Variants in ADAMTS7 observed in about 807,000 individuals in gnomAD.
ADAMTS7 encodes the protein A disintegrin and metalloproteinase with thrombospondin motifs 7.
A neutral mutation model predicts 172.6 loss-of-function variants in ADAMTS7; 89 were observed. The ratio of observed to expected loss-of-function variants is 0.52; its 90% CI spans 0.43 to 0.61. ADAMTS7 has a LOEUF of 0.61. ADAMTS7 is among the 20% of genes least tolerant of loss of function. The pLI is 0.00. For synonymous variants in ADAMTS7, 885 were observed against 978.4 expected (o/e 0.90, Z 1.78); for missense variants, 1,973 against 2,355.6 (o/e 0.84, Z 3.36).
At position 78,800,397 on chromosome 15, in the gene ADAMTS7, A is replaced by G. The variant is rs2141522841; in HGVS notation, c.251T>C (p.Leu84Pro). 2 of 1,608,714 alleles carry G rather than the reference A, an allele frequency of 1.2e-6. No individual in the cohort carries two copies. The highest frequency in any genetic ancestry group is 2.2e-5 in the East Asian group (1 of 44,814). Residue 84 changes from leucine (L) to proline (P), a missense_variant, in exon 2 of 24, where the codon CTA (leucine) becomes CCA (proline). Transcript: ENST00000388820. ...VRRDAPAFYE[L>P]QYRGRELRFN... is the part of the protein sequence containing the mutation. ...GCGCAGCTCGCGCCCGCGGTATTGT[A>G]GCTCGTAGAAGGCGGGCGCGTCTCG...
intron 9 of ADAMTS7, chr15:78,777,135 C>T (rs113034332): frequency 0.03 from 16,706 of 566,070 alleles, 924 homozygotes; most frequent in East Asian, 0.15. Context: ...AGGCGATCTT[C>T]GCCAGGATAA....
intron 19 of ADAMTS7, chr15:78,764,911 C>T: frequency 1.9e-6 from 1 of 535,720 alleles, no homozygotes; most frequent in Non-Finnish European, 3.2e-6. Context: ...CCTCAGCAAC[C>T]AGCCGTCCCT....
At chr15:78,796,037 T>C (rs2055638772) in intron 4 of ADAMTS7, among the ~76,000 whole-genome samples, 1 of 152,200 alleles carries the variant, frequency 6.6e-6, no homozygotes, top group Non-Finnish European at 1.5e-5. Context: ...CAAGGTACTG[T>C]CGTCATGCCC....
intron 1 of ADAMTS7, among the ~76,000 whole-genome samples, chr15:78,802,633 C>T (rs1448641678): frequency 6.6e-6 from 1 of 152,224 alleles, no homozygotes. Flanking sequence ...CTAGTAAGGC[C>T]TGGATTCTTA....
chr15:78,782,866 G>A (rs922905737), intron 8 of ADAMTS7, among the ~76,000 whole-genome samples: 2 of 152,056 alleles, frequency 1.3e-5, no homozygotes, highest in Non-Finnish European at 2.9e-5. Flanking sequence ...GCCAAGTGAT[G>A]GCCACCTGCC....
At chr15:78,807,852 C>T (rs1313296526) in intron 1 of ADAMTS7, among the ~76,000 whole-genome samples, 2 of 151,276 alleles carry the variant, frequency 1.3e-5, no homozygotes, top group Non-Finnish European at 3.0e-5. Flanking sequence ...AAACAAAAAA[C>T]ATGTTTTTAT....
intron 3 of ADAMTS7, among the ~76,000 whole-genome samples, chr15:78,797,254 C>T (rs2141518819): frequency 6.6e-6 from 1 of 152,354 alleles, no homozygotes; most frequent in East Asian, 1.9e-4. Context: ...CCTACTGGGC[C>T]TGCTCCCCTG....
chr15:78,771,938 G>A lies in ADAMTS7; in HGVS notation c.2132-109C>T. ...CTTGCCTCCGCCTGCTGATGCCAAAGCTTTAAAGTCTGAGCTCCCTAAATT... is the reference window on the plus strand; with the variant it reads ...CTTGCCTCCGCCTGCTGATGCCAAAACTTTAAAGTCTGAGCTCCCTAAATT... On this transcript the variant is annotated intron_variant, in intron 14 of 23. Coordinates refer to ENST00000388820, the MANE Select transcript of ADAMTS7 (RefSeq NM_014272.5). This position sits in a 1 kb window ranked among gnomAD's most constrained non-coding sequence, Gnocchi z 4.9. The A allele has an allele frequency of 6.8e-7, 1 of 1,465,814 alleles. No individual in the cohort carries two copies. Among genetic ancestry groups the A allele is most frequent in the Non-Finnish European group, 9.1e-7 (1 of 1,096,936 alleles). The allele number at this position is 1,465,814 out of a possible 1,614,324, so 90.8% of individuals were successfully genotyped here.
Position 78,771,364 on chromosome 15 carries a change from A to T in ADAMTS7, c.2377-61T>A. 1.2e-6 allele frequency: 2 copies of T among 1,610,080 alleles called. No individual in the cohort carries two copies. Among genetic ancestry groups the T allele is most frequent in the South Asian group, 1.1e-5 (1 of 90,484 alleles). On this transcript the variant is annotated intron_variant, in intron 15 of 23. Transcript: ENST00000388820. The surrounding 1 kb of genome is among the most constrained non-coding windows in gnomAD (Gnocchi z 4.9). ...GTCTTCTCCATCCACCCAGTCCTAA[A>T]GGAGCTGACCCCAGCCACCTCTGTG...
At chr15:78,789,458 C>T in intron 7 of ADAMTS7, among the ~76,000 whole-genome samples, 1 of 152,238 alleles carries the variant, frequency 6.6e-6, no homozygotes, top group East Asian at 1.9e-4. Context: ...ATAAGACTCC[C>T]TCCAGGCCAG....
chr15:78,777,057 C>T, intron 9 of ADAMTS7: 2 of 580,872 alleles, frequency 3.4e-6, no homozygotes, highest in Non-Finnish European at 6.1e-6. Context: ...TCAGAGCGGT[C>T]CCCAGCTGTC....
Position 78,771,508 on chromosome 15 carries a change from C to T in ADAMTS7, c.2376+77G>A, listed in dbSNP as rs540509827. 13 of 1,543,796 alleles carry T rather than the reference C, an allele frequency of 8.4e-6. No individual in the cohort carries two copies. Among genetic ancestry groups the T allele is most frequent in the African/African-American group, 6.8e-5 (5 of 73,416 alleles). ...TGAACCAGGGCTCACTCCTCCAGGA[C>T]GAGACCTGCCATGGAGGGTGCTGGG... On this transcript the variant is annotated intron_variant, in intron 15 of 23. Transcript: ENST00000388820. The surrounding 1 kb of genome is among the most constrained non-coding windows in gnomAD (Gnocchi z 4.9).
In ADAMTS7 at chr15:78,775,278, G is replaced by C. The variant is rs4887104; in HGVS notation, c.1707-485C>G. ...GCCCGGGTCTAAAGGAAGTGCCTAG[G>C]GCCCCAGCCAGCTGAAAGGTCTGAC... On this transcript the variant is annotated intron_variant, in intron 11 of 23. Transcript: ENST00000388820. Among the ~76,000 whole-genome samples, 324 of 152,076 alleles carry C rather than the reference G, an allele frequency of 2.1e-3. 1 individual carries two copies. Among genetic ancestry groups the C allele is most frequent in the Admixed American group, 6.5e-3 (99 of 15,286 alleles).
rs747322029 is a variant in ADAMTS7 at position 78,776,290 on chromosome 15, T to C, written c.1604A>G (p.Glu535Gly). Residue 535 changes from glutamate (E) to glycine (G), a missense_variant, in exon 11 of 24, where the codon GAG (glutamate) becomes GGG (glycine). Around this residue, in one of 8 missense-constraint regions of ADAMTS7, gnomAD observed 526 missense variants for 662.9 expected, o/e 0.79. Coordinates refer to ENST00000388820, the MANE Select transcript of ADAMTS7 (RefSeq NM_014272.5). ...GCCAGACCAGCCACCATCCACGGCC[T>C]CGGGCCGGAAGCCCACGGGTACGCA... ...GECVPVGFRP[E>G]AVDGGWSGWS... 3.8e-5 allele frequency: 61 copies of C among 1,611,918 alleles called. No individual in the cohort carries two copies. Among genetic ancestry groups the C allele is most frequent in the Non-Finnish European group, 4.9e-5 (58 of 1,179,836 alleles).
intron 23 of ADAMTS7, chr15:78,762,195 G>A (rs1432383095): frequency 1.6e-5 from 12 of 739,234 alleles, no homozygotes; most frequent in African/African-American, 1.9e-5. Context: ...GTGTGGCCGG[G>A]ACTCCCCTTG....
intron 17 of ADAMTS7, among the ~76,000 whole-genome samples, 153 bp from the exon 18 acceptor site, chr15:78,767,745 A>G (rs2141477213): frequency 6.6e-6 from 1 of 152,152 alleles, no homozygotes; most frequent in Admixed American, 6.5e-5. Context: ...CTCCAAGCTC[A>G]GGTAAGTGTC....
Position 78,766,702 on chromosome 15 carries a change from A to G in ADAMTS7, c.3209T>C (p.Ile1070Thr). The G allele has an allele frequency of 6.2e-7, 1 of 1,610,912 alleles. No homozygotes were observed. The highest frequency in any genetic ancestry group is 8.5e-7 in the Non-Finnish European group (1 of 1,179,830). Residue 1070 changes from isoleucine to threonine, a missense_variant, in exon 19 of 24, where the codon ATC (isoleucine) becomes ACC (threonine). Around this residue, in one of 8 missense-constraint regions of ADAMTS7, gnomAD observed 771 missense variants for 952.6 expected, o/e 0.81. Transcript: ENST00000388820. Reference sequence around the variant, plus strand: ...GTAGGACAGATCCTCGTGGAAATTGATGAAATTGTAGTCGTAGTAGAAGTC... The same window carrying G: ...GTAGGACAGATCCTCGTGGAAATTGGTGAAATTGTAGTCGTAGTAGAAGTC... ...VDDFYYDYNF[I>T]NFHEDLSYGP...
At chr15:78,767,647 C>T (rs2055178903) in intron 17 of ADAMTS7, 55 bp from the exon 18 acceptor site, 1 of 1,471,166 alleles carries the variant, frequency 6.8e-7, no homozygotes. Context: ...GGCCTGCAGG[C>T]TCACCAGCAG....
In ADAMTS7 at chr15:78,766,173, A is replaced by G. The variant is rs750401825; in HGVS notation, c.3738T>C (p.Val1246=). The stretch of plus-strand genomic sequence containing the variant: ...GACTAGGAGAGGAGTGGGTGCTGCC[A>G]ACAGGGGACAAAGGGGGCAGCGTGG... ...PSSTLPPLSP[V]GSTHSSPSPD... is the part of the protein sequence containing the mutation. Residue 1246 remains valine, a synonymous_variant, in exon 19 of 24, where the codon GTT becomes GTC. Coordinates refer to ENST00000388820, the MANE Select transcript of ADAMTS7 (RefSeq NM_014272.5). 1.1e-4 allele frequency: 184 copies of G among 1,610,414 alleles called. No individual in the cohort carries two copies. The highest frequency in any genetic ancestry group is 3.8e-4 in the Middle Eastern group (2 of 5,316).
Sources: allele counts gnomAD v4.1 joint callset (sites outside exome capture counted in the v4.1 genomes callset), GRCh38; gene constraint gnomAD v4.1.1; regional missense constraint gnomAD v4.1.1; non-coding constraint Gnocchi (gnomAD v3.1); transcripts MANE v1.5; gene names NCBI Gene and HGNC (gene_info 2026-07-23, HGNC 2026-07-21).